NSUN6: variants seen among roughly 807,000 people sequenced by gnomAD.
NSUN6 encodes the protein tRNA (cytosine(72)-C(5))-methyltransferase NSUN6.
NSUN6 carries 64 observed loss-of-function variants against 58.0 expected under a neutral mutation model. The ratio of observed to expected loss-of-function variants is 1.10; its 90% confidence interval spans 0.90 to 1.36. The LOEUF (loss-of-function observed/expected upper bound fraction) is 1.36, where lower values mean the gene tolerates loss of function less well. Among genes scored for constraint, NSUN6 ranks in the 40% most tolerant of loss-of-function variants. NSUN6 has a pLI of 0.00. For synonymous variants in NSUN6, 231 were observed against 193.9 expected (o/e 1.19, Z -1.59); for missense variants, 701 against 550.1 (o/e 1.27, Z -2.74).
At chr10:18,623,873 G>T (rs1350344058) in intron 3 of NSUN6, among the ~76,000 whole-genome samples, 2 of 152,142 alleles carry the variant, frequency 1.3e-5, no homozygotes, top group African/African-American at 4.8e-5. Context: ...AGCCAGCAGA[G>T]AAGATTTGCA....
intron 9 of NSUN6, 50 bp downstream of exon 9, chr10:18,551,773 T>A (rs757460357): frequency 6.4e-7 from 1 of 1,553,782 alleles, no homozygotes; most frequent in Non-Finnish European, 8.8e-7. Flanking sequence ...AGTTTAAACA[T>A]CAAAGTAGCA....
At chr10:18,565,829 C>A (rs567561679) in intron 8 of NSUN6, among the ~76,000 whole-genome samples, 1 of 151,500 alleles carries the variant, frequency 6.6e-6, no homozygotes, top group Non-Finnish European at 1.5e-5. Context: ...ATTCTCCATT[C>A]CATTCCATTG....
At position 18,567,055 on chromosome 10, in the gene NSUN6, T is replaced by A. The variant is rs564881265; in HGVS notation, c.923-15084A>T. 2.0e-5 allele frequency among the ~76,000 whole-genome samples: 3 copies of A among 151,170 alleles called. No individual in the cohort carries two copies. The South Asian group carries it at 6.3e-4, about 32-fold the overall frequency. On this transcript the variant is annotated intron_variant, in intron 8 of 10. Transcript: ENST00000377304. Reference sequence around the variant, plus strand: ...TTCCATTCCATATTCTATTCCTTTCTCCATTCTATTCCATTCTCCATTCCA... The same window carrying A: ...TTCCATTCCATATTCTATTCCTTTCACCATTCTATTCCATTCTCCATTCCA...
At position 18,641,724 on chromosome 10, in the gene NSUN6, C is replaced by T. The variant is rs78601329; in HGVS notation, c.311+752G>A. Among the ~76,000 whole-genome samples, 732 of 152,046 alleles carry T rather than the reference C, an allele frequency of 4.8e-3. 8 individuals are homozygous for T. The highest frequency in any genetic ancestry group is 0.017 in the African/African-American group (702 of 41,478). On this transcript the variant is annotated intron_variant, in intron 3 of 10. Transcript: ENST00000377304. ...CATATGCTTTCCAAATACGTAAACG[C>T]GCAGAACATAAATGGGACACAGTAG... is the stretch of plus-strand genomic sequence containing the variant.
At chr10:18,633,325 G>A (rs2059103837) in intron 3 of NSUN6, among the ~76,000 whole-genome samples, 3 of 150,784 alleles carry the variant, frequency 2.0e-5, no homozygotes, top group Non-Finnish European at 4.4e-5. Context: ...ATGATGAGTT[G>A]GTGGGTGCAG....
intron 8 of NSUN6, among the ~76,000 whole-genome samples, chr10:18,582,010 TA>T (rs2056924940): frequency 6.6e-6 from 1 of 152,052 alleles, no homozygotes; most frequent in South Asian, 2.1e-4. Context: ...TCCAGTAACA[TA>T]ATTACTGGAG....
At chr10:18,624,740 G>A (rs199703316) in intron 3 of NSUN6, among the ~76,000 whole-genome samples, 1 of 65,422 alleles carries the variant, frequency 1.5e-5, no homozygotes, top group East Asian at 2.6e-3. Context: ...TAAAGTAACA[G>A]GCTTGAGACT....
intron 8 of NSUN6, among the ~76,000 whole-genome samples, chr10:18,558,960 G>C (rs1027346857): frequency 6.8e-6 from 1 of 146,610 alleles, no homozygotes; most frequent in South Asian, 2.2e-4. Flanking sequence ...GAGAATGGAA[G>C]GGAGAATGGA....
intron 5 of NSUN6, among the ~76,000 whole-genome samples, chr10:18,613,631 C>A (rs780222114): frequency 2.0e-5 from 3 of 152,110 alleles, no homozygotes; most frequent in Non-Finnish European, 4.4e-5. Context: ...ATTCATGAAG[C>A]CTTCTAAAAA....
upstream of NSUN6, chr10:18,658,479 T>C (rs2059802499): frequency 6.3e-6 from 1 of 159,630 alleles, no homozygotes. Context: ...TGTGAAGCTT[T>C]TCTTTTCAAT....
At chr10:18,601,738 T>C (rs970747615) in intron 6 of NSUN6, among the ~76,000 whole-genome samples, 1 of 152,052 alleles carries the variant, frequency 6.6e-6, no homozygotes, top group Non-Finnish European at 1.5e-5. Flanking sequence ...ATCCCAGGAC[T>C]TCGGGAAGCT....
intron 8 of NSUN6, among the ~76,000 whole-genome samples, chr10:18,576,293 C>G (rs1369586236): frequency 2.0e-5 from 3 of 152,086 alleles, no homozygotes; most frequent in Non-Finnish European, 2.9e-5. Flanking sequence ...GAAGACAGAT[C>G]TCCACTTCAG....
At chr10:18,601,086 AAGTTAACC>A (rs1317089128) in intron 6 of NSUN6, among the ~76,000 whole-genome samples, 1 of 149,662 alleles carries the variant, frequency 6.7e-6, no homozygotes, top group Non-Finnish European at 1.5e-5. Flanking sequence ...TCATCTTCTC[AAGTTAACC>A]AGTTATTGAA....
intron 8 of NSUN6, among the ~76,000 whole-genome samples, chr10:18,554,330 G>T (rs2054825127): frequency 6.6e-6 from 1 of 151,488 alleles, no homozygotes; most frequent in Non-Finnish European, 1.5e-5. Context: ...ATGCAATGTG[G>T]AATGGAATGG....
At chr10:18,590,211 A>G (rs1283571202) in intron 7 of NSUN6, among the ~76,000 whole-genome samples, 1 of 152,232 alleles carries the variant, frequency 6.6e-6, no homozygotes, top group South Asian at 2.1e-4. Flanking sequence ...AGAGCTAACT[A>G]TCCTAAATAT....
intron 6 of NSUN6, among the ~76,000 whole-genome samples, chr10:18,607,164 A>G (rs2058077065): frequency 6.6e-6 from 1 of 152,210 alleles, no homozygotes; most frequent in Non-Finnish European, 1.5e-5. Context: ...AGGGACTGTC[A>G]TTTAATCCAC....
At chr10:18,631,100 T>G (rs1438072877) in intron 3 of NSUN6, among the ~76,000 whole-genome samples, 1 of 152,346 alleles carries the variant, frequency 6.6e-6, no homozygotes, top group East Asian at 1.9e-4. Context: ...TGGTTCATTA[T>G]ACCCAAATCA....
intron 7 of NSUN6, among the ~76,000 whole-genome samples, chr10:18,594,444 G>C (rs1248757013): frequency 1.5e-5 from 2 of 130,050 alleles, no homozygotes; most frequent in African/African-American, 2.8e-5. Context: ...TTTTTTTGTT[G>C]TTGTTGTTTT....
chr10:18,568,640 C>CCAT (rs2056141600), intron 8 of NSUN6, among the ~76,000 whole-genome samples: 1 of 150,852 alleles, frequency 6.6e-6, no homozygotes, highest in Non-Finnish European at 1.5e-5. Context: ...CCATTCCATT[C>CCAT]TCTTTTCCAT....
Sources: allele counts gnomAD v4.1 joint callset (sites outside exome capture counted in the v4.1 genomes callset), GRCh38; gene constraint gnomAD v4.1.1; transcripts MANE v1.5; gene names NCBI Gene and HGNC (gene_info 2026-07-23, HGNC 2026-07-21).